CLTC: variants seen among roughly 807,000 people sequenced by gnomAD.
CLTC encodes clathrin heavy chain.
In CLTC, 16 loss-of-function variants were observed where a neutral mutation model predicts 195.8. The observed-to-expected ratio is 0.08, with a 90% CI of 0.06 to 0.12. The LOEUF (loss-of-function observed/expected upper bound fraction) is 0.12, where lower values mean the gene tolerates loss of function less well. Ranked by LOEUF, CLTC falls within the 10% of genes least tolerant of loss-of-function variation. The pLI, the probability that CLTC is intolerant of heterozygous loss-of-function variation, is 1.00. For synonymous variants in CLTC, 667 were observed against 689.4 expected (o/e 0.97, Z 0.51); for missense variants, 796 against 2,027.0 (o/e 0.39, Z 11.66).
intron 14 of CLTC, among the ~76,000 whole-genome samples, chr17:59,671,764 C>T (rs1598231836): frequency 6.6e-6 from 1 of 152,272 alleles, no homozygotes; most frequent in East Asian, 1.9e-4. Flanking sequence ...CTTGTCCTGC[C>T]GAAGGGCCTT....
chr17:59,632,114 A>T (rs1316704488), intron 1 of CLTC, among the ~76,000 whole-genome samples: 2 of 152,194 alleles, frequency 1.3e-5, no homozygotes, highest in Non-Finnish European at 2.9e-5. Flanking sequence ...CACGCCTGTA[A>T]TCCCAGCACT....
rs186360739 is a variant in CLTC at position 59,666,266 on chromosome 17, A to G, written c.1782+26A>G. 4.0e-5 allele frequency: 65 copies of G among 1,608,204 alleles called. No homozygotes were observed. The African/African-American group carries it at 7.5e-4, about 18-fold the overall frequency. On this transcript the variant is annotated intron_variant, in intron 11 of 31. Coordinates refer to ENST00000269122, the MANE Select transcript of CLTC (RefSeq NM_004859.4). The surrounding 1 kb of genome is among the most constrained non-coding windows in gnomAD (Gnocchi z 4.9). ...GTATGTGTTTTAATGCTTTTTAGGC[A>G]TGTTTCCAACATTGTTTTAGTAATT... is the stretch of plus-strand genomic sequence containing the variant.
chr17:59,684,942 T>G (rs2033150651), intron 28 of CLTC, 114 bp from the exon 29 acceptor site: 1 of 742,838 alleles, frequency 1.3e-6, no homozygotes, highest in Non-Finnish European at 2.0e-6. Flanking sequence ...CTTTTGATGC[T>G]TGAATCTAGG....
chr17:59,663,626 T>C (rs770568013), intron 8 of CLTC, among the ~76,000 whole-genome samples: 3 of 152,198 alleles, frequency 2.0e-5, no homozygotes, highest in African/African-American at 4.8e-5. Context: ...TGGTGAGCTT[T>C]TTATCGTTAA....
At chr17:59,664,425 T>C (rs2014001) in intron 9 of CLTC, among the ~76,000 whole-genome samples, 17,732 of 151,724 alleles carry the variant, frequency 0.12, 1,667 homozygotes, top group East Asian at 0.45. Flanking sequence ...TGGTGGTGTG[T>C]CTGTGGTCTT....
At position 59,674,790 on chromosome 17, in the gene CLTC, A is replaced by G; in HGVS notation, c.2508A>G (p.Val836=). 5 of 1,613,534 alleles carry G rather than the reference A, an allele frequency of 3.1e-6. No homozygotes were observed. Among genetic ancestry groups the G allele is most frequent in the Non-Finnish European group, 4.2e-6 (5 of 1,179,694 alleles). Reference sequence around the variant, plus strand: ...TCATAAAAAACTTGATTCTTGTTGTAAGAGGTCAATTCTCTACTGATGAGC... The same window carrying G: ...TCATAAAAAACTTGATTCTTGTTGTGAGAGGTCAATTCTCTACTGATGAGC... The part of the protein sequence containing the change: ...EDVIKNLILV[V]RGQFSTDELV... Residue 836 remains valine, a synonymous_variant, in exon 16 of 32, where the codon GTA becomes GTG. Coordinates refer to ENST00000269122, the MANE Select transcript of CLTC (RefSeq NM_004859.4).
At chr17:59,653,171 GTTTA>G (rs939636869) in intron 5 of CLTC, among the ~76,000 whole-genome samples, 2,128 of 150,958 alleles carry the variant, frequency 0.014, 42 homozygotes, top group African/African-American at 0.048. Context: ...TTATTTATTT[GTTTA>G]TTTATTTATT....
At chr17:59,664,598 A>C in intron 9 of CLTC, 189 bp from the exon 10 acceptor site, 1 of 482,598 alleles carries the variant, frequency 2.1e-6, no homozygotes, top group Non-Finnish European at 3.6e-6. Context: ...TGGATAAGCC[A>C]GTTATAAAAA....
chr17:59,623,512 T>C (rs1344212434), intron 1 of CLTC, among the ~76,000 whole-genome samples: 1 of 152,206 alleles, frequency 6.6e-6, no homozygotes, highest in Middle Eastern at 3.2e-3. Context: ...AACACAATCA[T>C]TTTCATTTGA....
chr17:59,656,624 C>T (rs1481746532), intron 6 of CLTC, among the ~76,000 whole-genome samples: 1 of 151,274 alleles, frequency 6.6e-6, no homozygotes, highest in South Asian at 2.1e-4. Context: ...CCTCTTCATA[C>T]CATCTAGCAA....
chr17:59,631,975 A>G (rs1201954597), intron 1 of CLTC, among the ~76,000 whole-genome samples: 1 of 151,790 alleles, frequency 6.6e-6, no homozygotes, highest in African/African-American at 2.4e-5. Flanking sequence ...ATCTCAAAAA[A>G]AAAAAAAAAA....
Position 59,685,194 on chromosome 17 carries a change from G to T in CLTC, c.4573G>T (p.Val1525Leu), listed in dbSNP as rs142167082. Reference sequence around the variant, plus strand: ...AGGCAACAATCGCTGGAAACAGAGTGTAGAGCTGTGCAAGAAAGACAGCCT... The same window carrying T: ...AGGCAACAATCGCTGGAAACAGAGTTTAGAGCTGTGCAAGAAAGACAGCCT... ...FKGNNRWKQS[V>L]ELCKKDSLYK... Residue 1525 changes from valine (V) to leucine (L), a missense_variant, in exon 29 of 32, where the codon GTA becomes TTA. Physicochemically the swap from Val to Leu is conservative, Grantham distance 32 (BLOSUM62 1). Coordinates refer to ENST00000269122, the MANE Select transcript of CLTC (RefSeq NM_004859.4). This position sits in a 1 kb window ranked among gnomAD's most constrained non-coding sequence, Gnocchi z 5.0. The T allele has an allele frequency of 6.2e-6, 10 of 1,609,058 alleles. No homozygotes were observed. The highest frequency in any genetic ancestry group is 8.5e-6 in the Non-Finnish European group (10 of 1,176,544).
intron 17 of CLTC, among the ~76,000 whole-genome samples, chr17:59,678,012 A>C (rs2033003073): frequency 6.6e-6 from 1 of 152,188 alleles, no homozygotes; most frequent in South Asian, 2.1e-4. Context: ...CCAGCCCCTG[A>C]CAACCACCAG....
rs1011042908 is a variant in CLTC at position 59,683,455 on chromosome 17, A to G, written c.4110A>G (p.Glu1370=). 5.0e-6 allele frequency: 8 copies of G among 1,614,082 alleles called. No individual in the cohort carries two copies. The highest frequency in any genetic ancestry group is 6.8e-6 in the Non-Finnish European group (8 of 1,179,966). ...ELVFLYDKYE[E]YDNAIITMMN... is the part of the protein sequence containing the mutation. ...TGTTTTTGTATGACAAGTATGAAGAATATGATAATGCCATAATTACCATGA... is the reference window on the plus strand; with the variant it reads ...TGTTTTTGTATGACAAGTATGAAGAGTATGATAATGCCATAATTACCATGA... The change falls in exon 26 of 32, where the codon GAA becomes GAG. Residue 1370 remains glutamate, a synonymous_variant. Coordinates refer to ENST00000269122, the MANE Select transcript of CLTC (RefSeq NM_004859.4). This position sits in a 1 kb window ranked among gnomAD's most constrained non-coding sequence, Gnocchi z 6.1.
In CLTC at chr17:59,696,354, TGACCTTA is replaced by T. The variant is rs1325314856; in HGVS notation, c.*2509_*2515del. 5 of 220,256 alleles carry T rather than the reference TGACCTTA, an allele frequency of 2.3e-5. No individual in the cohort carries two copies. The highest frequency in any genetic ancestry group is 4.5e-5 in the Non-Finnish European group (5 of 110,012). The allele number at this position is 220,256 out of a possible 1,614,324, so 13.6% of individuals were successfully genotyped here. Reference sequence around the variant, plus strand: ...TGTTCTGCCCACAATACTCCACCAATGACCTTAGACCTTGAGATGGTGCTATAACGCT... The same window carrying T: ...TGTTCTGCCCACAATACTCCACCAATGACCTTGAGATGGTGCTATAACGCT... On this transcript the variant is annotated 3_prime_UTR_variant, in exon 32 of 32. Transcript: ENST00000269122.
intron 30 of CLTC, chr17:59,689,716 G>A (rs952039393): frequency 1.3e-5 from 2 of 152,208 alleles, no homozygotes; most frequent in South Asian, 2.1e-4. Context: ...TAGTCCCAGG[G>A]TTGTAATGTC....
At chr17:59,687,121 T>A in intron 30 of CLTC, 1 of 539,850 alleles carries the variant, frequency 1.9e-6, no homozygotes, top group Non-Finnish European at 2.4e-6. Context: ...CTGCTGCTTT[T>A]TCCCCCCAAT....
intron 1 of CLTC, among the ~76,000 whole-genome samples, chr17:59,638,745 G>T (rs1485015575): frequency 6.6e-6 from 1 of 152,186 alleles, no homozygotes; most frequent in Non-Finnish European, 1.5e-5. Context: ...AGGCGGTGAT[G>T]ACTGCTCATT....
intron 31 of CLTC, among the ~76,000 whole-genome samples, chr17:59,693,524 G>A (rs1396579193): frequency 6.6e-6 from 1 of 152,182 alleles, no homozygotes; most frequent in Non-Finnish European, 1.5e-5. Context: ...GCCCTGCACT[G>A]TTTGTTGGCT....
Sources: gnomAD v4.1 joint callset for allele counts (sites outside exome capture counted in the v4.1 genomes callset) on GRCh38, gnomAD v4.1.1 for gene constraint, Gnocchi (gnomAD v3.1) non-coding constraint, MANE v1.5 for transcripts, NCBI Gene and HGNC (gene_info 2026-07-23, HGNC 2026-07-21) for gene names.